The following RNF121 variants were observed in gnomAD, a reference collection of about 807,000 sequenced individuals.
RNF121 encodes the protein E3 ubiquitin ligase RNF121.
Under a neutral mutation model 46.5 loss-of-function variants are expected in RNF121, and 21 were observed. That is an observed-to-expected ratio of 0.45 (90% CI 0.32 to 0.65). The LOEUF (loss-of-function observed/expected upper bound fraction) is 0.65, where lower values mean the gene tolerates loss of function less well. Among genes scored for constraint, RNF121 ranks in the 30% least tolerant of loss-of-function variants. The pLI, the probability that RNF121 is intolerant of heterozygous loss-of-function variation, is 0.04. For missense variants in RNF121, 346 were observed against 416.0 expected, an observed-to-expected ratio of 0.83 and a Z score of 1.46; for synonymous variants, 139 against 144.7, an observed-to-expected ratio of 0.96 and a Z score of 0.28.
At chr11:71,986,354 G>A (rs1483527353) in intron 4 of RNF121, among the ~76,000 whole-genome samples, 1 of 152,204 alleles carries the variant, frequency 6.6e-6, no homozygotes, top group Non-Finnish European at 1.5e-5. Flanking sequence ...GAGCATAGTT[G>A]TGTTTAATAC....
chr11:71,950,687 C>T (rs764675182), intron 1 of RNF121, among the ~76,000 whole-genome samples: 1 of 151,854 alleles, frequency 6.6e-6, no homozygotes, highest in Admixed American at 6.6e-5. Flanking sequence ...GAGTCTTGCT[C>T]TGTCTCCCAG....
chr11:71,996,442 C>A lies in RNF121; in HGVS notation c.*127C>A. The A allele has an allele frequency of 8.6e-7, 1 of 1,161,352 alleles. No individual in the cohort carries two copies. The highest frequency in any genetic ancestry group is 1.2e-6 in the Non-Finnish European group (1 of 832,782). 71.9% of individuals were successfully genotyped at this position (1,161,352 alleles called of 1,614,324 possible). A position where few individuals can be genotyped will look rare whatever the true frequency, so the allele number is the denominator to read the frequency against. ...GGTGCTTGGGCCACTCAGGACCCCTCTGGCTGTGTCGGACTGGGGAGGGAT... is the reference window on the plus strand; with the variant it reads ...GGTGCTTGGGCCACTCAGGACCCCTATGGCTGTGTCGGACTGGGGAGGGAT... On this transcript the variant is annotated 3_prime_UTR_variant, in exon 9 of 9. Transcript: ENST00000361756.
Position 71,929,055 on chromosome 11 carries a change from C to T in RNF121, c.-7C>T, listed in dbSNP as rs1289771278. 5.2e-6 allele frequency: 8 copies of T among 1,551,152 alleles called. No homozygotes were observed. In the East Asian group the frequency reaches 7.3e-5, roughly 14 times the overall value. ...CGGGGACTGCGGTGAGGGGGCGAGCCGTGAAGATGGCGGCAGTGGTGGAGG... is the reference window on the plus strand; with the variant it reads ...CGGGGACTGCGGTGAGGGGGCGAGCTGTGAAGATGGCGGCAGTGGTGGAGG... On this transcript the variant is annotated 5_prime_UTR_variant, in exon 1 of 9. Coordinates refer to ENST00000361756, the MANE Select transcript of RNF121 (RefSeq NM_018320.5).
At chr11:71,995,237 C>A in intron 7 of RNF121, 1 of 593,820 alleles carries the variant, frequency 1.7e-6, no homozygotes, top group East Asian at 2.8e-5. Flanking sequence ...GTTGGGAAAG[C>A]CATGTATTGT....
intron 1 of RNF121, among the ~76,000 whole-genome samples, chr11:71,949,366 T>C (rs1953807593): frequency 1.3e-5 from 2 of 152,166 alleles, no homozygotes; most frequent in African/African-American, 4.8e-5. Flanking sequence ...TGCAGTGATC[T>C]GTGATTGCAC....
At chr11:71,988,110 A>ATCCC (rs1954802614) in intron 5 of RNF121, among the ~76,000 whole-genome samples, 1 of 152,230 alleles carries the variant, frequency 6.6e-6, no homozygotes, top group Non-Finnish European at 1.5e-5. Flanking sequence ...ATTTAGTATT[A>ATCCC]TCCCAGATAA....
chr11:71,968,017 T>C (rs1954327415), intron 3 of RNF121, among the ~76,000 whole-genome samples: 1 of 152,160 alleles, frequency 6.6e-6, no homozygotes, highest in South Asian at 2.1e-4. Flanking sequence ...TCATTTGATT[T>C]TATTTGTAGA....
At chr11:71,982,678 T>G in intron 3 of RNF121, 83 bp from the exon 4 acceptor site, 3 of 1,440,872 alleles carry the variant, frequency 2.1e-6, no homozygotes, top group Non-Finnish European at 2.8e-6. Context: ...CAAGCTAAAA[T>G]AGAAAACAAG....
At chr11:71,970,503 A>G (rs1331700377) in intron 3 of RNF121, among the ~76,000 whole-genome samples, 1 of 152,098 alleles carries the variant, frequency 6.6e-6, no homozygotes, top group Non-Finnish European at 1.5e-5. Flanking sequence ...TCTACTAAAA[A>G]TTTTAAAAAT....
chr11:71,976,489 G>T (rs1954529912), intron 3 of RNF121, among the ~76,000 whole-genome samples: 2 of 151,526 alleles, frequency 1.3e-5, no homozygotes, highest in Non-Finnish European at 1.5e-5. Context: ...CCGAGTAGCT[G>T]GGACTGCAGG....
chr11:71,987,673 A>C (rs1381544570), intron 5 of RNF121, among the ~76,000 whole-genome samples: 2 of 152,250 alleles, frequency 1.3e-5, no homozygotes, highest in African/African-American at 4.8e-5. Flanking sequence ...CATATGGGCT[A>C]CAAAACCTAA....
At chr11:71,939,458 C>T (rs1337849337) in intron 1 of RNF121, 6 of 153,840 alleles carry the variant, frequency 3.9e-5, no homozygotes, top group African/African-American at 1.4e-4. Flanking sequence ...AGTTTCTTGA[C>T]TCTTAAAGTG....
chr11:71,946,340 C>T (rs1035250027), intron 1 of RNF121, among the ~76,000 whole-genome samples: 1 of 152,168 alleles, frequency 6.6e-6, no homozygotes, highest in African/African-American at 2.4e-5. Context: ...TCCTTGAAAA[C>T]ATTTTGATGA....
At position 71,929,104 on chromosome 11, in the gene RNF121, G is replaced by T. The variant is rs956136833; in HGVS notation, c.43G>T (p.Gly15Trp). 7.1e-6 allele frequency: 11 copies of T among 1,551,684 alleles called. No individual in the cohort carries two copies. The highest frequency in any genetic ancestry group is 5.9e-5 in the Admixed American group (3 of 50,994). ...VEVEVGGGAA[G>W]ERELDEVDMS... ...GGTGGAGGTTGGAGGTGGTGCTGCT[G>T]GGGAACGGGAGCTGGATGAGGTAAG... The change falls in exon 1 of 9, where the codon GGG (glycine) becomes TGG (tryptophan). Residue 15 changes from glycine to tryptophan, a missense_variant. Physicochemically the swap from Gly to Trp is radical, Grantham distance 184. Around this residue, in one of 2 missense-constraint regions of RNF121, gnomAD observed 60 missense variants for 32.2 expected, o/e 1.86. Coordinates refer to ENST00000361756, the MANE Select transcript of RNF121 (RefSeq NM_018320.5).
chr11:71,958,867 T>C (rs1238839633), intron 2 of RNF121, among the ~76,000 whole-genome samples: 1 of 152,234 alleles, frequency 6.6e-6, no homozygotes, highest in Non-Finnish European at 1.5e-5. Context: ...ATGACTTCTC[T>C]GGTCTTTTCT....
chr11:71,994,286 A>T (rs1954928041), intron 6 of RNF121, among the ~76,000 whole-genome samples: 1 of 152,206 alleles, frequency 6.6e-6, no homozygotes. Context: ...TCACCAAACC[A>T]ACATGGCACT....
chr11:71,942,161 C>G (rs1953586753), intron 1 of RNF121, among the ~76,000 whole-genome samples: 1 of 151,944 alleles, frequency 6.6e-6, no homozygotes, highest in Non-Finnish European at 1.5e-5. Context: ...TCTCAATCTC[C>G]TGACCTAATA....
chr11:71,994,317 T>A (rs1954928658), intron 6 of RNF121, among the ~76,000 whole-genome samples: 1 of 152,192 alleles, frequency 6.6e-6, no homozygotes, highest in African/African-American at 2.4e-5. Context: ...CTGTTTTAAA[T>A]GTTGGAGAAT....
chr11:71,946,787 A>G (rs938169031), intron 1 of RNF121, among the ~76,000 whole-genome samples: 3 of 149,746 alleles, frequency 2.0e-5, no homozygotes, highest in African/African-American at 7.4e-5. Flanking sequence ...GTCTCAGCTC[A>G]CTGCAGCCTC....
Sources: gnomAD v4.1 joint callset for allele counts (sites outside exome capture counted in the v4.1 genomes callset) on GRCh38, gnomAD v4.1.1 for gene constraint, gnomAD v4.1.1 regional missense constraint, MANE v1.5 for transcripts, NCBI Gene and HGNC (gene_info 2026-07-23, HGNC 2026-07-21) for gene names.